The following PTK2 variants were observed in gnomAD, a reference collection of about 807,000 sequenced individuals.
PTK2 encodes protein tyrosine kinase 2.
PTK2 carries 45 observed loss-of-function variants against 150.1 expected under a neutral mutation model. The observed-to-expected ratio is 0.30, with a 90% confidence interval of 0.24 to 0.38. PTK2 has a LOEUF of 0.38. PTK2 is among the 10% of genes least tolerant of loss of function. The pLI, the probability that PTK2 is intolerant of heterozygous loss-of-function variation, is 1.00. For missense variants in PTK2, 919 were observed against 1,307.3 expected (o/e 0.70, Z 4.58); for synonymous variants, 432 against 449.2 (o/e 0.96, Z 0.48).
chr8:140,852,677 G>C (rs927478125), intron 5 of PTK2, among the ~76,000 whole-genome samples: 1 of 152,180 alleles, frequency 6.6e-6, no homozygotes, highest in Non-Finnish European at 1.5e-5. Flanking sequence ...TGTATATGTT[G>C]TATGGGAAAT....
Position 140,786,600 on chromosome 8 carries a change from A to G in PTK2, c.1177+2874T>C, listed in dbSNP as rs996783342. The stretch of plus-strand genomic sequence containing the variant: ...CATTGAATGTCAGGATGACAGAAGG[A>G]AAAAAGGATGGGAGGAAGAAGGGAG... On this transcript the variant is annotated intron_variant, in intron 14 of 31. Transcript: ENST00000522684. Among the ~76,000 whole-genome samples, 4 of 152,046 alleles carry G rather than the reference A, an allele frequency of 2.6e-5. No individual in the cohort carries two copies. In the East Asian group the frequency reaches 7.7e-4, roughly 29 times the overall value.
At chr8:140,668,143 A>G (rs2093420870) in intron 30 of PTK2, 126 bp downstream of exon 34, 8 of 1,083,136 alleles carry the variant, frequency 7.4e-6, no homozygotes, top group Middle Eastern at 2.2e-4. Flanking sequence ...GCTTTCGTGA[A>G]GAGCTTCTAA....
At chr8:140,829,768 T>C (rs1404915598) in intron 8 of PTK2, among the ~76,000 whole-genome samples, 3 of 152,168 alleles carry the variant, frequency 2.0e-5, no homozygotes, top group African/African-American at 7.2e-5. Context: ...CAAAATACTA[T>C]TTTCTTCATT....
intron 5 of PTK2, among the ~76,000 whole-genome samples, chr8:140,863,406 C>T (rs1036828195): frequency 6.6e-6 from 1 of 152,114 alleles, no homozygotes; most frequent in Non-Finnish European, 1.5e-5. Flanking sequence ...CATTTGCTAA[C>T]TAACGTTTTT....
intron 1 of PTK2, among the ~76,000 whole-genome samples, chr8:140,935,493 A>C (rs1417282344): frequency 6.6e-6 from 1 of 152,140 alleles, no homozygotes; most frequent in African/African-American, 2.4e-5. Flanking sequence ...CTCCCAGAAG[A>C]AAGTTATTAG....
At chr8:140,830,550 T>G in intron 7 of PTK2, 24 bp from the exon 8 acceptor site, 1 of 1,292,798 alleles carries the variant, frequency 7.7e-7, no homozygotes, top group Non-Finnish European at 1.1e-6. Flanking sequence ...AGAAGCGTAT[T>G]AACAAATAAC....
rs141552343 is a variant in PTK2, at chr8:140,918,469, G to A, written c.-33+7192C>T. 5.9e-5 allele frequency among the ~76,000 whole-genome samples: 9 copies of A among 152,238 alleles called. No individual in the cohort carries two copies. In the East Asian group the frequency reaches 1.7e-3, roughly 29 times the overall value. ...ACATTTACATTTAATTCAATATTCTGAATCAAAACTGTCTTTAAACCTAGA... is the reference window on the plus strand; with the variant it reads ...ACATTTACATTTAATTCAATATTCTAAATCAAAACTGTCTTTAAACCTAGA... On this transcript the variant is annotated intron_variant, in intron 2 of 31. Coordinates refer to ENST00000522684, the Ensembl canonical transcript of PTK2.
exon 1 of PTK2, chr8:141,001,220 G>A (rs1270049224): frequency 1.3e-5 from 2 of 149,252 alleles, no homozygotes; most frequent in East Asian, 2.0e-4. Context: ...TCACGCCGCG[G>A]GCTCACAGTG....
At chr8:140,836,275 C>T (rs1455864449) in intron 7 of PTK2, among the ~76,000 whole-genome samples, 1 of 152,132 alleles carries the variant, frequency 6.6e-6, no homozygotes, top group Non-Finnish European at 1.5e-5. Flanking sequence ...CTTATAGTTT[C>T]CAGGAACCTA....
chr8:140,969,944 C>A (rs1349398432), intron 1 of PTK2, among the ~76,000 whole-genome samples: 1 of 152,218 alleles, frequency 6.6e-6, no homozygotes, highest in Non-Finnish European at 1.5e-5. Context: ...GCAACTCGTG[C>A]AAGACTGGTA....
exon 24 of PTK2, chr8:140,706,134 T>C: frequency 6.2e-7 from 1 of 1,609,942 alleles, no homozygotes; most frequent in Non-Finnish European, 8.5e-7. Flanking sequence ...AATGATTGGT[T>C]TGTACCATGT....
chr8:140,890,377 C>G (rs2100153816), intron 3 of PTK2, 166 bp downstream of exon 3: 3 of 536,776 alleles, frequency 5.6e-6, no homozygotes, highest in Non-Finnish European at 6.3e-6. Flanking sequence ...GAACGCTGGT[C>G]AGTCACATAT....
rs533556393 is a variant in PTK2 at position 140,947,588 on chromosome 8, T to G, written c.-121-21839A>C. ...CAAGGTGGTAGAGTAATGAGTTTTA[T>G]TCCTGTGAAGACTTCAATGAAACTG... On this transcript the variant is annotated intron_variant, in intron 1 of 31. Transcript: ENST00000522684. Among the ~76,000 whole-genome samples the G allele has an allele frequency of 1.3e-3, 192 of 152,214 alleles. 1 individual carries two copies. The South Asian group carries it at 0.017, about 14-fold the overall frequency.
intron 31 of PTK2, among the ~76,000 whole-genome samples, chr8:140,663,274 T>A (rs1278392003): frequency 1.3e-5 from 2 of 152,340 alleles, no homozygotes; most frequent in East Asian, 3.9e-4. Flanking sequence ...TGTGCTGACA[T>A]GTTAAAAGGC....
At chr8:140,843,028 CCT>C (rs1196003951) in intron 7 of PTK2, among the ~76,000 whole-genome samples, 7 of 152,024 alleles carry the variant, frequency 4.6e-5, no homozygotes, top group Non-Finnish European at 8.8e-5. Flanking sequence ...TTCACTGACC[CCT>C]GACAAAAACT....
chr8:140,686,664 T>C, exon 27 of PTK2: 1 of 1,613,976 alleles, frequency 6.2e-7, no homozygotes, highest in Non-Finnish European at 8.5e-7. Flanking sequence ...TCCCTGTCAA[T>C]ACTGCCTCGA....
chr8:140,767,758 C>CA (rs976235549), intron 14 of PTK2, among the ~76,000 whole-genome samples: 82 of 152,296 alleles, frequency 5.4e-4, no homozygotes, highest in African/African-American at 1.9e-3. Flanking sequence ...AGGCAGGAGC[C>CA]ACTGCACCCA....
intron 1 of PTK2, among the ~76,000 whole-genome samples, chr8:140,943,688 C>T (rs536553083): frequency 6.6e-6 from 1 of 152,288 alleles, no homozygotes; most frequent in East Asian, 1.9e-4. Flanking sequence ...TGCACTTCCA[C>T]CAGCAAAGCA....
chr8:140,989,925 AG>A (rs1183007914), intron 1 of PTK2, among the ~76,000 whole-genome samples: 4 of 148,756 alleles, frequency 2.7e-5, no homozygotes, highest in Non-Finnish European at 4.5e-5. Flanking sequence ...AAAAAAAAAA[AG>A]AGCAACCTCA....
Sources: allele counts gnomAD v4.1 joint callset (sites outside exome capture counted in the v4.1 genomes callset), GRCh38; gene constraint gnomAD v4.1.1; transcripts MANE v1.5; gene names NCBI Gene and HGNC (gene_info 2026-07-23, HGNC 2026-07-21).